The following ZEB1 variants were observed in gnomAD, a reference collection of about 807,000 sequenced individuals.
ZEB1 encodes the protein zinc finger E-box binding homeobox 1, also known as zinc finger E-box-binding homeobox 1.
A neutral mutation model predicts 84.9 loss-of-function variants in ZEB1; 21 were observed. The ratio of observed to expected loss-of-function variants is 0.25; its 90% CI spans 0.18 to 0.36. ZEB1 has a LOEUF of 0.36. Among genes scored for constraint, ZEB1 ranks in the 10% least tolerant of loss-of-function variants. The pLI is 1.00. For missense variants in ZEB1, 1,104 were observed against 1,330.2 expected (o/e 0.83, Z 2.65); for synonymous variants, 420 against 471.1 (o/e 0.89, Z 1.41).
rs117039235 is a variant in ZEB1, at chr10:31,460,717, C to G, written c.59-320C>G. On this transcript the variant is annotated intron_variant, in intron 1 of 8. Coordinates refer to ENST00000424869, the MANE Select transcript of ZEB1 (RefSeq NM_001174096.2). Reference sequence around the variant, plus strand: ...TGCCTTGATTTTCTTACATATAAAACAAGGATATAAGTAGTAAGTGGTAGA... The same window carrying G: ...TGCCTTGATTTTCTTACATATAAAAGAAGGATATAAGTAGTAAGTGGTAGA... 2.6e-4 allele frequency among the ~76,000 whole-genome samples: 40 copies of G among 152,132 alleles called. No homozygotes were observed. The East Asian group carries it at 7.1e-3, about 27-fold the overall frequency.
intron 1 of ZEB1, among the ~76,000 whole-genome samples, chr10:31,393,267 C>T (rs1335227434): frequency 2.0e-5 from 3 of 152,032 alleles, no homozygotes; most frequent in Non-Finnish European, 4.4e-5. Context: ...TTTATTCCTT[C>T]GGACATTTTC....
At chr10:31,380,181 C>T (rs188133877) in intron 1 of ZEB1, among the ~76,000 whole-genome samples, 4 of 152,146 alleles carry the variant, frequency 2.6e-5, no homozygotes, top group Admixed American at 2.6e-4. Context: ...CCTTCTTCCT[C>T]CTTCCCTCCC....
At chr10:31,497,491 C>T (rs901012325) in intron 3 of ZEB1, among the ~76,000 whole-genome samples, 1 of 152,080 alleles carries the variant, frequency 6.6e-6, no homozygotes, top group African/African-American at 2.4e-5. Context: ...GCATTATTCG[C>T]CTGGAACATG....
At chr10:31,322,304 T>C (rs923637471) in intron 1 of ZEB1, among the ~76,000 whole-genome samples, 1 of 152,240 alleles carries the variant, frequency 6.6e-6, no homozygotes, top group African/African-American at 2.4e-5. Flanking sequence ...CAGATGTTTA[T>C]TGGAGAAAAT....
At position 31,521,024 on chromosome 10, in the gene ZEB1, A is replaced by C. The variant is rs2072212945; in HGVS notation, c.1692A>C (p.Ala564=). 6.2e-7 allele frequency: 1 copy of C among 1,613,958 alleles called. No individual in the cohort carries two copies. The highest frequency in any genetic ancestry group is 1.3e-5 in the African/African-American group (1 of 74,924). The part of the protein sequence containing the change: ...KQPTQPPPLP[A]AEAEKPESSV... ...CTACTCAGCCTCCTCCACTCCCTGCAGCAGAAGCTGAGAAGCCTGAGTCCT... is the reference window on the plus strand; with the variant it reads ...CTACTCAGCCTCCTCCACTCCCTGCCGCAGAAGCTGAGAAGCCTGAGTCCT... The change falls in exon 7 of 9, where the codon GCA becomes GCC. Residue 564 remains alanine, a synonymous_variant. Transcript: ENST00000424869.
chr10:31,417,651 TC>T (rs745859246), intron 1 of ZEB1, among the ~76,000 whole-genome samples: 28 of 152,174 alleles, frequency 1.8e-4, no homozygotes, highest in African/African-American at 1.2e-4. Context: ...TTTACTGTCT[TC>T]CATATTTCCT....
chr10:31,466,968 G>A (rs1051986808), intron 2 of ZEB1, among the ~76,000 whole-genome samples: 11 of 152,098 alleles, frequency 7.2e-5, no homozygotes, highest in Non-Finnish European at 1.3e-4. Context: ...TCTACAGAGA[G>A]GAACCAAAAT....
chr10:31,510,548 T>C (rs1409887205), intron 4 of ZEB1, 125 bp from the exon 5 acceptor site: 3 of 752,860 alleles, frequency 4.0e-6, no homozygotes, highest in African/African-American at 1.7e-5. Context: ...ATCATTGCAT[T>C]GTTTTGAGGA....
In ZEB1 at chr10:31,521,599, T is replaced by G; in HGVS notation, c.2267T>G (p.Val756Gly). The stretch of plus-strand genomic sequence containing the variant: ...TTAGAAAGGTCAACTATCACTAGTG[T>G]TTACCAGAACAGTGTTTATTCTGTC... ...ELLERSTITS[V>G]YQNSVYSVQE... Residue 756 changes from valine (V) to glycine (G), a missense_variant, in exon 7 of 9, where the codon GTT becomes GGT. Val to Gly is a moderately radical substitution (Grantham distance 109). Coordinates refer to ENST00000424869, the MANE Select transcript of ZEB1 (RefSeq NM_001174096.2). 1 of 1,614,088 alleles carries G rather than the reference T, an allele frequency of 6.2e-7. No individual in the cohort carries two copies. Among genetic ancestry groups the G allele is most frequent in the Non-Finnish European group, 8.5e-7 (1 of 1,180,008 alleles).
intron 1 of ZEB1, among the ~76,000 whole-genome samples, chr10:31,401,074 G>A (rs908683720): frequency 6.6e-6 from 1 of 152,048 alleles, no homozygotes; most frequent in Admixed American, 6.5e-5. Context: ...TATGGTAGGT[G>A]ATATATTTGT....
At chr10:31,350,163 ATTGAGGAGACTGTT>A (rs1264548317) in intron 1 of ZEB1, among the ~76,000 whole-genome samples, 2 of 152,034 alleles carry the variant, frequency 1.3e-5, no homozygotes, top group African/African-American at 4.8e-5. Context: ...AACACCATTT[ATTGAGGAGACTGTT>A]TTTTCCCCAT....
intron 1 of ZEB1, among the ~76,000 whole-genome samples, chr10:31,371,754 A>G (rs141015591): frequency 6.6e-6 from 1 of 152,290 alleles, no homozygotes; most frequent in East Asian, 1.9e-4. Flanking sequence ...TGTTATTGCT[A>G]TTGAGAATTT....
chr10:31,451,800 C>T (rs1290773900), intron 1 of ZEB1, among the ~76,000 whole-genome samples: 1 of 152,094 alleles, frequency 6.6e-6, no homozygotes, highest in Admixed American at 6.6e-5. Context: ...GAGGATGGCT[C>T]TTGTTGGGGG....
At chr10:31,364,843 CT>C (rs1302588609) in intron 1 of ZEB1, among the ~76,000 whole-genome samples, 4 of 152,188 alleles carry the variant, frequency 2.6e-5, no homozygotes, top group African/African-American at 9.7e-5. Context: ...TCATGTAGTC[CT>C]GGGGTACTTA....
At chr10:31,347,771 C>T (rs1356854614) in intron 1 of ZEB1, among the ~76,000 whole-genome samples, 2 of 151,906 alleles carry the variant, frequency 1.3e-5, no homozygotes, top group African/African-American at 2.4e-5. Flanking sequence ...ATATATGAAG[C>T]TTGTCTGACA....
chr10:31,411,580 C>T (rs551410098), intron 1 of ZEB1, among the ~76,000 whole-genome samples: 1 of 141,774 alleles, frequency 7.1e-6, no homozygotes, highest in Admixed American at 7.4e-5. Context: ...TGCAGTGAGC[C>T]GAGATTGCGC....
intron 1 of ZEB1, among the ~76,000 whole-genome samples, chr10:31,432,280 A>G (rs1013721643): frequency 1.3e-5 from 2 of 152,182 alleles, no homozygotes; most frequent in South Asian, 2.1e-4. Context: ...TTTATATTTT[A>G]TTTAGAAATT....
At chr10:31,399,201 G>A (rs1309879853) in intron 1 of ZEB1, among the ~76,000 whole-genome samples, 1 of 152,030 alleles carries the variant, frequency 6.6e-6, no homozygotes, top group Non-Finnish European at 1.5e-5. Flanking sequence ...CACCATGTCG[G>A]CCCGGCTGGT....
At chr10:31,363,378 C>G in intron 1 of ZEB1, 22 of 1,534,490 alleles carry the variant, frequency 1.4e-5, no homozygotes, top group Non-Finnish European at 1.9e-5. Flanking sequence ...GCACCTGGGC[C>G]TTGTCAGTCT....
Sources: allele counts gnomAD v4.1 joint callset (sites outside exome capture counted in the v4.1 genomes callset), GRCh38; gene constraint gnomAD v4.1.1; transcripts MANE v1.5; gene names NCBI Gene and HGNC (gene_info 2026-07-23, HGNC 2026-07-21).